The following ARHGAP32 variants were observed in gnomAD, a reference collection of about 807,000 sequenced individuals.
The protein encoded by ARHGAP32 is rho GTPase-activating protein 32.
Under a neutral mutation model 186.5 loss-of-function variants are expected in ARHGAP32, and 51 were observed. That is an observed-to-expected ratio of 0.27 (90% CI 0.22 to 0.35). The LOEUF is 0.35. Among genes scored for constraint, ARHGAP32 ranks in the 10% least tolerant of loss-of-function variants. The probability of loss-of-function intolerance (pLI) is 1.00; values close to 1 mark genes in which losing one functional copy is unlikely to be tolerated. For missense variants in ARHGAP32, 2,186 were observed against 2,623.5 expected, an observed-to-expected ratio of 0.83 and a Z score of 3.64; for synonymous variants, 950 against 964.3, an observed-to-expected ratio of 0.99 and a Z score of 0.27.
chr11:129,117,313 C>T (rs1942394005), intron 5 of ARHGAP32, among the ~76,000 whole-genome samples: 1 of 151,930 alleles, frequency 6.6e-6, no homozygotes, highest in Admixed American at 6.6e-5. Context: ...GTAATTGAGA[C>T]AATGTGGAAA....
In ARHGAP32 at chr11:129,278,984, G is replaced by T. The variant is rs1215981451; in HGVS notation, c.-5+162C>A. 2.7e-5 allele frequency among the ~76,000 whole-genome samples: 4 copies of T among 147,498 alleles called. No homozygotes were observed. The East Asian group carries it at 7.9e-4, about 29-fold the overall frequency. On this transcript the variant is annotated intron_variant, in intron 1 of 6. Transcript: ENST00000525234. ...CCCGGGAGGCCGGGGAGATGGGGCCGGGGGCGGGGGGACAACCGAGAGGCT... is the reference window on the plus strand; with the variant it reads ...CCCGGGAGGCCGGGGAGATGGGGCCTGGGGCGGGGGGACAACCGAGAGGCT...
chr11:129,078,772 C>T (rs1043332723), intron 6 of ARHGAP32, among the ~76,000 whole-genome samples: 2 of 152,118 alleles, frequency 1.3e-5, no homozygotes, highest in Admixed American at 1.3e-4. Flanking sequence ...GGTTTAAAGG[C>T]GTGAGCCACC....
At chr11:129,118,442 A>G (rs1942432753) in intron 5 of ARHGAP32, among the ~76,000 whole-genome samples, 2 of 152,222 alleles carry the variant, frequency 1.3e-5, no homozygotes, top group South Asian at 2.1e-4. Flanking sequence ...CAGTAAAACC[A>G]TAAGCTGGTT....
chr11:129,013,447 G>T (rs1938188318), intron 11 of ARHGAP32, among the ~76,000 whole-genome samples: 2 of 152,182 alleles, frequency 1.3e-5, no homozygotes, highest in African/African-American at 4.8e-5. Flanking sequence ...TAGTCATAAA[G>T]TCTTACGTGA....
At chr11:129,000,360 A>G (rs375328622) in intron 11 of ARHGAP32, among the ~76,000 whole-genome samples, 1 of 152,248 alleles carries the variant, frequency 6.6e-6, no homozygotes, top group African/African-American at 2.4e-5. Flanking sequence ...AAAAGTCAAC[A>G]TACAACAATA....
intron 12 of ARHGAP32, among the ~76,000 whole-genome samples, chr11:128,990,877 T>C (rs565327650): frequency 6.6e-6 from 1 of 152,300 alleles, no homozygotes; most frequent in East Asian, 1.9e-4. Flanking sequence ...GGAAAATAGT[T>C]AAAATTCTTT....
At chr11:129,151,194 T>C (rs1267463148) in intron 2 of ARHGAP32, among the ~76,000 whole-genome samples, 1 of 152,148 alleles carries the variant, frequency 6.6e-6, no homozygotes, top group Non-Finnish European at 1.5e-5. Context: ...ATCCTAAATA[T>C]ATACGCACTT....
At chr11:129,276,890 T>C (rs1338125609) in intron 1 of ARHGAP32, among the ~76,000 whole-genome samples, 3 of 152,176 alleles carry the variant, frequency 2.0e-5, no homozygotes, top group Middle Eastern at 3.2e-3. Flanking sequence ...ACAGCTACTA[T>C]GGGGCAGAAC....
At chr11:129,172,746 T>C (rs1943795244) in intron 1 of ARHGAP32, among the ~76,000 whole-genome samples, 2 of 151,890 alleles carry the variant, frequency 1.3e-5, no homozygotes, top group African/African-American at 2.4e-5. Context: ...TTGAAACAAA[T>C]GAGAACAAAT....
rs963602628 is a variant in ARHGAP32, at chr11:129,143,175, T to C, written c.226-18281A>G. On this transcript the variant is annotated intron_variant, in intron 2 of 22. Coordinates refer to ENST00000682385, the MANE Select transcript of ARHGAP32 (RefSeq NM_001378024.1). ...CTGCCAGTTTCCTGCAGTTTAACCA[T>C]AAGAAACACACATAATGAATTTCTG... Among the ~76,000 whole-genome samples, 16 of 151,282 alleles carry C rather than the reference T, an allele frequency of 1.1e-4. 1 individual carries two copies. Among genetic ancestry groups the C allele is most frequent in the Admixed American group, 2.0e-4 (3 of 15,190 alleles).
In ARHGAP32 at chr11:129,164,387, C is replaced by CAAA; in HGVS notation, c.154_156dup (p.Phe52dup). The CAAA allele has an allele frequency of 6.3e-7, 1 of 1,578,268 alleles. No individual in the cohort carries two copies. The highest frequency in any genetic ancestry group is 8.6e-7 in the Non-Finnish European group (1 of 1,160,436). On this transcript the variant is annotated inframe_insertion, in exon 2 of 23. Coordinates refer to ENST00000682385, the MANE Select transcript of ARHGAP32 (RefSeq NM_001378024.1). ...TGTACATTTCTATGTAGCTCTGGAA[C>CAAA]AAAATCATCTTCTTCAGAATGTACT... is the stretch of plus-strand genomic sequence containing the variant.
In ARHGAP32 at chr11:129,029,392, G is replaced by A. The variant is rs867554431; in HGVS notation, c.1045+11536C>T. 5.3e-5 allele frequency among the ~76,000 whole-genome samples: 8 copies of A among 152,202 alleles called. No individual in the cohort carries two copies. In the East Asian group the frequency reaches 1.2e-3, roughly 22 times the overall value. On this transcript the variant is annotated intron_variant, in intron 11 of 22. Transcript: ENST00000682385. ...AGGTGCATGGCACAGGGCTTGGTGCGCAGTCAGGGATATGTAAGCGCTGGC... is the reference window on the plus strand; with the variant it reads ...AGGTGCATGGCACAGGGCTTGGTGCACAGTCAGGGATATGTAAGCGCTGGC...
chr11:129,169,783 C>A (rs1346986820), intron 1 of ARHGAP32, among the ~76,000 whole-genome samples: 1 of 152,050 alleles, frequency 6.6e-6, no homozygotes, highest in African/African-American at 2.4e-5. Context: ...TACAGTCCTA[C>A]AGCTATTAAA....
In ARHGAP32 at chr11:129,192,224, T is replaced by G. The variant is rs1437633917; in HGVS notation, c.-26A>C. 1 of 1,528,810 alleles carries G rather than the reference T, an allele frequency of 6.5e-7. No individual in the cohort carries two copies. Among genetic ancestry groups the G allele is most frequent in the Admixed American group, 1.7e-5 (1 of 59,488 alleles). 94.7% of individuals were successfully genotyped at this position (1,528,810 alleles called of 1,614,324 possible). On this transcript the variant is annotated 5_prime_UTR_variant, in exon 1 of 23. The change abolishes the stop of an existing upstream ORF in the 5' untranslated region. Coordinates refer to ENST00000682385, the MANE Select transcript of ARHGAP32 (RefSeq NM_001378024.1). ...CTTGTACTTAAAAAACAAAAAAAAC[T>G]AAACCTCCAGGCATGGAATAAAAAG...
Position 129,123,639 on chromosome 11 carries a change from GTAAGCA to G in ARHGAP32, c.360-115_360-110del, listed in dbSNP as rs1942587029. On this transcript the variant is annotated intron_variant, in intron 4 of 22. Coordinates refer to ENST00000682385, the MANE Select transcript of ARHGAP32 (RefSeq NM_001378024.1). This position sits in a 1 kb window ranked among gnomAD's most constrained non-coding sequence, Gnocchi z 4.6. ...GAGCTCATGCAAGCAAAAATATTTC[GTAAGCA>G]CATGCGCATGAGCCACACATATCCG... 6 of 967,810 alleles carry G rather than the reference GTAAGCA, an allele frequency of 6.2e-6. No individual in the cohort carries two copies. The highest frequency in any genetic ancestry group is 3.0e-5 in the South Asian group (2 of 67,374). The allele number at this position is 967,810 out of a possible 1,614,324, so 60.0% of individuals were successfully genotyped here.
chr11:129,098,286 G>A (rs1202300695), intron 5 of ARHGAP32, among the ~76,000 whole-genome samples: 1 of 151,940 alleles, frequency 6.6e-6, no homozygotes, highest in Non-Finnish European at 1.5e-5. Flanking sequence ...GTAAATATAT[G>A]GGCAATTATA....
At chr11:129,107,868 CAAAAAA>C (rs71057924) in intron 5 of ARHGAP32, among the ~76,000 whole-genome samples, 1,507 of 93,404 alleles carry the variant, frequency 0.016, 28 homozygotes, top group African/African-American at 0.062. Flanking sequence ...AACTATGTTT[CAAAAAA>C]AAAAAAAAAA....
chr11:129,275,405 G>A (rs756996227), intron 1 of ARHGAP32, among the ~76,000 whole-genome samples: 4 of 152,132 alleles, frequency 2.6e-5, no homozygotes, highest in South Asian at 4.1e-4. Context: ...GAGGTCCCAC[G>A]ACATTAATTA....
chr11:129,114,297 A>G (rs1942305073), intron 5 of ARHGAP32, among the ~76,000 whole-genome samples: 1 of 152,162 alleles, frequency 6.6e-6, no homozygotes, highest in East Asian at 1.9e-4. Flanking sequence ...ATCTCTGCAT[A>G]TCCAAATTCT....
Sources: allele counts gnomAD v4.1 joint callset (sites outside exome capture counted in the v4.1 genomes callset), GRCh38; gene constraint gnomAD v4.1.1; non-coding constraint Gnocchi (gnomAD v3.1); transcripts MANE v1.5; gene names NCBI Gene and HGNC (gene_info 2026-07-23, HGNC 2026-07-21).